Variants in AOPEP observed in about 807,000 individuals in gnomAD.
AOPEP encodes aminopeptidase O (putative), also known as aminopeptidase O.
AOPEP carries 77 observed loss-of-function variants against 98.1 expected under a neutral mutation model. The ratio of observed to expected loss-of-function variants is 0.78; its 90% confidence interval spans 0.65 to 0.95. The LOEUF is 0.95. Ranked by LOEUF, AOPEP falls within the 40% of genes least tolerant of loss-of-function variation. AOPEP has a pLI of 0.00. For synonymous variants in AOPEP, 346 were observed against 365.3 expected, an observed-to-expected ratio of 0.95 and a Z score of 0.60; for missense variants, 1,024 against 1,024.7, an observed-to-expected ratio of 1.00 and a Z score of 0.01.
Position 95,006,277 on chromosome 9 carries a change from A to G in AOPEP, c.2115+661A>G, listed in dbSNP as rs41281186. 1,744 of 342,742 alleles carry G rather than the reference A, an allele frequency of 5.1e-3. 12 individuals carry two copies. The highest frequency in any genetic ancestry group is 0.019 in the Middle Eastern group (20 of 1,064). 21.2% of individuals were successfully genotyped at this position (342,742 alleles called of 1,614,324 possible). On this transcript the variant is annotated intron_variant, in intron 13 of 16. Transcript: ENST00000375315. The stretch of plus-strand genomic sequence containing the variant: ...ACTCGTAAAAGTGAATAATTTTTTG[A>G]CAAATATTACAGCAGATAGGTTTTT...
intron 5 of AOPEP, among the ~76,000 whole-genome samples, chr9:94,869,710 C>T (rs1483438407): frequency 6.6e-6 from 1 of 152,138 alleles, no homozygotes; most frequent in Non-Finnish European, 1.5e-5. Flanking sequence ...TCGTGTTACC[C>T]AGAAGCAGAA....
At chr9:95,014,146 C>T (rs1044413368) in intron 13 of AOPEP, among the ~76,000 whole-genome samples, 1 of 152,080 alleles carries the variant, frequency 6.6e-6, no homozygotes, top group Non-Finnish European at 1.5e-5. Flanking sequence ...ACAGCCTGAG[C>T]AACATGGCAA....
At chr9:95,083,886 C>T (rs905503001) in intron 16 of AOPEP, among the ~76,000 whole-genome samples, 1 of 152,216 alleles carries the variant, frequency 6.6e-6, no homozygotes, top group Non-Finnish European at 1.5e-5. Flanking sequence ...TAAATCACTT[C>T]CTCTGTTAAT....
chr9:95,127,497 T>TG, the AOPEP span: 2 of 152,256 alleles, frequency 1.3e-5, no homozygotes, highest in Non-Finnish European at 2.9e-5. Context: ...GCAGTCAGGA[T>TG]GGGGCTCTGG....
At chr9:94,809,296 T>A (rs1289598363) in intron 5 of AOPEP, among the ~76,000 whole-genome samples, 1 of 152,220 alleles carries the variant, frequency 6.6e-6, no homozygotes, top group South Asian at 2.1e-4. Context: ...AATATTCTTA[T>A]GATCCTGATT....
chr9:95,030,401 C>G (rs1175942860), intron 13 of AOPEP, among the ~76,000 whole-genome samples: 1 of 152,142 alleles, frequency 6.6e-6, no homozygotes, highest in African/African-American at 2.4e-5. Flanking sequence ...ATGTACATTT[C>G]ATAAAAAGCA....
rs10115154 is a variant in AOPEP at position 94,958,267 on chromosome 9, C to G, written c.1872+2252C>G. Among the ~76,000 whole-genome samples, 385 of 152,314 alleles carry G rather than the reference C, an allele frequency of 2.5e-3. 4 individuals are homozygous for G. The highest frequency in any genetic ancestry group is 8.8e-3 in the African/African-American group (367 of 41,568). On this transcript the variant is annotated intron_variant, in intron 9 of 16. Transcript: ENST00000375315. ...AATGCTCCATTGCATGTATATATCACATTTTGTTTACCTGTTAATTCTTTC... is the reference window on the plus strand; with the variant it reads ...AATGCTCCATTGCATGTATATATCAGATTTTGTTTACCTGTTAATTCTTTC...
chr9:94,937,616 A>G (rs917561929), intron 7 of AOPEP, among the ~76,000 whole-genome samples: 1 of 152,132 alleles, frequency 6.6e-6, no homozygotes, highest in Non-Finnish European at 1.5e-5. Context: ...CCTTTTAAAG[A>G]TGTTGTCTCT....
intron 5 of AOPEP, among the ~76,000 whole-genome samples, chr9:94,917,173 G>C (rs1163975395): frequency 6.6e-6 from 1 of 152,126 alleles, no homozygotes; most frequent in African/African-American, 2.4e-5. Context: ...TCTCCACAAC[G>C]TTCTCTCGGG....
chr9:95,055,793 C>G (rs185537807), intron 13 of AOPEP, among the ~76,000 whole-genome samples: 1 of 152,156 alleles, frequency 6.6e-6, no homozygotes, highest in African/African-American at 2.4e-5. Context: ...GCCCGAAGGC[C>G]GCCTGCATGT....
At chr9:94,988,949 C>T (rs1393769869) in intron 11 of AOPEP, among the ~76,000 whole-genome samples, 1 of 151,262 alleles carries the variant, frequency 6.6e-6, no homozygotes, top group Non-Finnish European at 1.5e-5. Flanking sequence ...CGGTCTGTCG[C>T]CCAGGCTGAA....
chr9:94,979,538 C>G, intron 11 of AOPEP, 111 bp downstream of exon 11: 1 of 691,464 alleles, frequency 1.4e-6, no homozygotes, highest in Non-Finnish European at 2.6e-6. Context: ...AAGTAATTAT[C>G]TTACTGAGTG....
intron 11 of AOPEP, among the ~76,000 whole-genome samples, chr9:95,002,736 G>A (rs978401309): frequency 6.6e-6 from 1 of 152,192 alleles, no homozygotes; most frequent in Admixed American, 6.5e-5. Context: ...CTTAAACCCA[G>A]AACTAGAGGA....
chr9:94,827,105 G>C (rs1854794125), intron 5 of AOPEP, among the ~76,000 whole-genome samples: 1 of 152,158 alleles, frequency 6.6e-6, no homozygotes, highest in Admixed American at 6.5e-5. Context: ...TTTAGAGCCA[G>C]AGAACAGCTT....
chr9:94,970,655 ATG>A (rs2059479992), intron 10 of AOPEP, among the ~76,000 whole-genome samples: 1 of 151,532 alleles, frequency 6.6e-6, no homozygotes, highest in South Asian at 2.1e-4. Context: ...CTCAAAGGAA[ATG>A]TGGCTTGTTT....
At chr9:94,855,471 C>T (rs1285307798) in intron 5 of AOPEP, among the ~76,000 whole-genome samples, 1 of 151,896 alleles carries the variant, frequency 6.6e-6, no homozygotes, top group Non-Finnish European at 1.5e-5. Flanking sequence ...GGCGGATCAC[C>T]TGAGGTCGGG....
At chr9:94,736,015 A>G (rs2131807491) in intron 1 of AOPEP, among the ~76,000 whole-genome samples, 1 of 152,258 alleles carries the variant, frequency 6.6e-6, no homozygotes, top group East Asian at 1.9e-4. Flanking sequence ...ATTCCTTTTT[A>G]CAGCTGAATA....
intron 7 of AOPEP, chr9:94,933,462 TTTAAG>T: frequency 3.0e-6 from 3 of 985,440 alleles, no homozygotes; most frequent in South Asian, 4.7e-5. Context: ...AATGTATCGC[TTTAAG>T]GAGGTGCAAC....
At chr9:94,876,826 TA>T (rs1389890809) in intron 5 of AOPEP, among the ~76,000 whole-genome samples, 2 of 152,154 alleles carry the variant, frequency 1.3e-5, no homozygotes, top group Non-Finnish European at 2.9e-5. Flanking sequence ...AAAGGAGCCC[TA>T]AAGTTGCATG....
Sources: gnomAD v4.1 joint callset for allele counts (sites outside exome capture counted in the v4.1 genomes callset) on GRCh38, gnomAD v4.1.1 for gene constraint, MANE v1.5 for transcripts, NCBI Gene and HGNC (gene_info 2026-07-23, HGNC 2026-07-21) for gene names.